Variants in MID1 observed in about 807,000 individuals in gnomAD.
The protein encoded by MID1 is E3 ubiquitin-protein ligase Midline-1.
A neutral mutation model predicts 40.4 loss-of-function variants in MID1; 7 were observed. That is an observed-to-expected ratio of 0.17 (90% confidence interval 0.10 to 0.33). The LOEUF (loss-of-function observed/expected upper bound fraction) is 0.33. Among genes scored for constraint, MID1 ranks in the 10% least tolerant of loss-of-function variants. The pLI is 1.00. For synonymous variants in MID1, 229 were observed against 221.2 expected (o/e 1.04, Z -0.31); for missense variants, 367 against 558.5 (o/e 0.66, Z 3.46).
rs1447409446 is a variant in MID1, at chrX:10,449,103, T to C, written c.*265A>G. 6.4e-6 allele frequency: 2 copies of C among 310,710 alleles called. No homozygotes were observed. Among genetic ancestry groups the C allele is most frequent in the Non-Finnish European group, 5.6e-6 (1 of 178,937 alleles). 25.6% of individuals were successfully genotyped at this position (310,710 alleles called of 1,213,427 possible). ...TGCAAAACCAAGTAATTCCTAAAAG[T>C]TGTAATCCTGATTATGTTTCTCTTA... On this transcript the variant is annotated 3_prime_UTR_variant, in exon 10 of 10. Coordinates refer to ENST00000317552, the MANE Select transcript of MID1 (RefSeq NM_000381.4).
At chrX:10,784,070 C>A (rs1263956403) in intron 1 of MID1, among the ~76,000 whole-genome samples, 4 of 111,624 alleles carry the variant, frequency 3.6e-5, no homozygotes, top group African/African-American at 1.3e-4. Context: ...TTTCAGAGTT[C>A]TCTACTTTAT....
At chrX:10,501,233 C>T (rs1315787817) in intron 3 of MID1, among the ~76,000 whole-genome samples, 1 of 111,287 alleles carries the variant, frequency 9.0e-6, no homozygotes, top group Non-Finnish European at 1.9e-5. Flanking sequence ...CGCTTGAACC[C>T]AGGAGTCGGA....
chrX:10,505,700 A>C (rs1931794839), intron 3 of MID1: 1 of 752,890 alleles, frequency 1.3e-6, no homozygotes, highest in South Asian at 6.8e-5. Flanking sequence ...GGAAAGATGG[A>C]GGTGACGTGT....
At chrX:10,506,268 T>C (rs1313641053) in intron 3 of MID1, 6 of 1,008,800 alleles carry the variant, frequency 5.9e-6, no homozygotes, top group Non-Finnish European at 7.5e-6. Context: ...ACTTGTGCTA[T>C]CATTTCATTT....
chrX:10,622,328 A>G (rs958413267), upstream of MID1, among the ~76,000 whole-genome samples: 4 of 111,403 alleles, frequency 3.6e-5, no homozygotes, highest in African/African-American at 1.3e-4. Flanking sequence ...AGTAGAAGCT[A>G]CAACTGCGTC....
At chrX:10,564,674 G>A (rs777295760) in intron 2 of MID1, among the ~76,000 whole-genome samples, 21 of 111,730 alleles carry the variant, frequency 1.9e-4, no homozygotes, top group African/African-American at 6.8e-4. Flanking sequence ...AAGAGGGCTA[G>A]AGCATGACAG....
intron 1 of MID1, among the ~76,000 whole-genome samples, chrX:10,730,000 C>T (rs968591758): frequency 6.5e-5 from 7 of 108,242 alleles, no homozygotes; most frequent in Admixed American, 2.0e-4. Flanking sequence ...GAGAGAATGG[C>T]GTGAACCTGG....
Position 10,639,053 on chromosome X carries a change from G to A in MID1, c.-186-18634C>T, listed in dbSNP as rs1936155923. ...AGGTAGATAAAACCACAAAGATGGG[G>A]AGAAACCAGAGCAGAAAAGCTGAAA... is the stretch of plus-strand genomic sequence containing the variant. On this transcript the variant is annotated intron_variant, in intron 1 of 10. Coordinates refer to the MID1 transcript ENST00000380785. Among the ~76,000 whole-genome samples the A allele has an allele frequency of 2.7e-5, 3 of 112,171 alleles. No homozygotes were observed. In the South Asian group the frequency reaches 1.1e-3, roughly 42 times the overall value.
chrX:10,482,445 G>A (rs757462093), intron 5 of MID1, 35 bp downstream of exon 5: 3 of 1,201,289 alleles, frequency 2.5e-6, no homozygotes, highest in South Asian at 3.5e-5. Flanking sequence ...CAAGAGCCCA[G>A]CAGCCGAGAA....
intron 4 of MID1, 35 bp downstream of exon 4, chrX:10,495,549 A>C: frequency 9.8e-7 from 1 of 1,016,125 alleles, no homozygotes; most frequent in Non-Finnish European, 1.4e-6. Context: ...TTCTCCAGGT[A>C]GAGAATATGA....
intron 1 of MID1, among the ~76,000 whole-genome samples, chrX:10,685,648 T>C (rs1052775139): frequency 1.5e-4 from 17 of 111,369 alleles, no homozygotes; most frequent in Non-Finnish European, 3.2e-4. Flanking sequence ...TAGCTTTAGA[T>C]CAGGCCCTTT....
chrX:10,693,339 T>G (rs1167159280), intron 1 of MID1, among the ~76,000 whole-genome samples: 1 of 108,048 alleles, frequency 9.3e-6, no homozygotes, highest in Non-Finnish European at 1.9e-5. Flanking sequence ...GGACCACAGG[T>G]GTGCACCACT....
chrX:10,828,593 C>T (rs923394629), intron 1 of MID1, among the ~76,000 whole-genome samples: 4 of 112,020 alleles, frequency 3.6e-5, no homozygotes, highest in African/African-American at 1.3e-4. Context: ...AGAAAGAAGT[C>T]TTTAGAGCAA....
chrX:10,658,139 A>C (rs2042887898), intron 1 of MID1, among the ~76,000 whole-genome samples: 1 of 111,083 alleles, frequency 9.0e-6, no homozygotes, highest in African/African-American at 3.3e-5. Flanking sequence ...ATAGTTCTGA[A>C]TGATGAACTT....
At chrX:10,456,613 G>A (rs1928685096) in intron 8 of MID1, among the ~76,000 whole-genome samples, 1 of 112,206 alleles carries the variant, frequency 8.9e-6, no homozygotes, top group Admixed American at 9.4e-5. Context: ...AAGGCAGCTC[G>A]ATTGCCTGAG....
intron 7 of MID1, among the ~76,000 whole-genome samples, chrX:10,466,063 C>T (rs1929368849): frequency 8.9e-6 from 1 of 111,990 alleles, no homozygotes; most frequent in Non-Finnish European, 1.9e-5. Flanking sequence ...AGACTATTCA[C>T]TCATCAACAG....
chrX:10,518,292 A>G (rs1932547130), intron 3 of MID1, among the ~76,000 whole-genome samples: 1 of 112,065 alleles, frequency 8.9e-6, no homozygotes, highest in African/African-American at 3.2e-5. Flanking sequence ...ACTGGGATGT[A>G]ACAGAGTCTG....
intron 1 of MID1, among the ~76,000 whole-genome samples, chrX:10,651,998 AC>A (rs1936321464): frequency 9.0e-6 from 1 of 111,570 alleles, no homozygotes; most frequent in Admixed American, 9.5e-5. Flanking sequence ...TCCAATAGTG[AC>A]CCCAGCTTGA....
At chrX:10,454,846 G>A in intron 9 of MID1, 24 bp downstream of exon 9, 1 of 1,164,665 alleles carries the variant, frequency 8.6e-7, no homozygotes. Flanking sequence ...TATAACTGCA[G>A]GACAATAGAA....
Sources: allele counts gnomAD v4.1 joint callset (sites outside exome capture counted in the v4.1 genomes callset), GRCh38; gene constraint gnomAD v4.1.1; transcripts MANE v1.5; gene names NCBI Gene and HGNC (gene_info 2026-07-23, HGNC 2026-07-21).